BLTP1: variants seen among roughly 807,000 people sequenced by gnomAD.
The protein encoded by BLTP1 is fragile site-associated protein.
At chr4:122,361,111 A>G in the BLTP1 span, among the ~76,000 whole-genome samples, 2 of 152,326 alleles carry the variant, frequency 1.3e-5, no homozygotes, top group African/African-American at 4.8e-5. Context: ...TAAATGAATT[A>G]ACGCAAAATG....
the BLTP1 span, among the ~76,000 whole-genome samples, chr4:122,310,414 G>T: frequency 6.6e-6 from 1 of 152,012 alleles, no homozygotes; most frequent in South Asian, 2.1e-4. Flanking sequence ...TTAATATGAG[G>T]TTTTTTTGTG....
the BLTP1 span, chr4:122,161,018 C>A: frequency 3.7e-6 from 1 of 268,164 alleles, no homozygotes; most frequent in Non-Finnish European, 5.7e-6. Flanking sequence ...GTACATAATT[C>A]ACAGAATTTC....
the BLTP1 span, chr4:122,315,631 CA>C: frequency 6.2e-7 from 1 of 1,614,036 alleles, no homozygotes; most frequent in Non-Finnish European, 8.5e-7. Flanking sequence ...ATTCAGTGAA[CA>C]TAGCTGACCT....
chr4:122,238,875 C>G, the BLTP1 span, among the ~76,000 whole-genome samples: 1 of 152,116 alleles, frequency 6.6e-6, no homozygotes, highest in Non-Finnish European at 1.5e-5. Flanking sequence ...TCCACTTACT[C>G]TATATTATTT....
chr4:122,319,598 G>A, the BLTP1 span, among the ~76,000 whole-genome samples: 2 of 148,082 alleles, frequency 1.4e-5, no homozygotes, highest in Non-Finnish European at 1.5e-5. Context: ...TTGGAGTGAA[G>A]TGGTGTGATC....
chr4:122,204,889 ATATT>A, the BLTP1 span: 1 of 738,552 alleles, frequency 1.4e-6, no homozygotes, highest in Non-Finnish European at 1.7e-6. Context: ...AAATAAAAAT[ATATT>A]TAAGGTAAAT....
chr4:122,354,522 G>A, the BLTP1 span, among the ~76,000 whole-genome samples: 2 of 150,610 alleles, frequency 1.3e-5, no homozygotes, highest in South Asian at 2.1e-4. Context: ...GTGATAGTGT[G>A]GTCATGATAA....
chr4:122,184,266 C>T, the BLTP1 span, among the ~76,000 whole-genome samples: 1 of 152,150 alleles, frequency 6.6e-6, no homozygotes, highest in Non-Finnish European at 1.5e-5. Context: ...TTAGCCATCT[C>T]TGCAGTGTAA....
At chr4:122,289,868 G>T in the BLTP1 span, 3 of 835,492 alleles carry the variant, frequency 3.6e-6, no homozygotes, top group Non-Finnish European at 4.3e-6. Context: ...ATTTTGATGA[G>T]TTCTGCGAAT....
the BLTP1 span, chr4:122,257,232 TAACC>T: frequency 6.2e-7 from 1 of 1,610,156 alleles, no homozygotes; most frequent in Admixed American, 1.7e-5. Flanking sequence ...AGATTACTTC[TAACC>T]ACATGATTAT....
the BLTP1 span, chr4:122,266,847 A>G: frequency 2.5e-6 from 4 of 1,610,778 alleles, no homozygotes; most frequent in Non-Finnish European, 3.4e-6. Flanking sequence ...CCATTCTGCT[A>G]CCGAATGTAC....
the BLTP1 span, among the ~76,000 whole-genome samples, chr4:122,283,993 G>A: frequency 4.6e-5 from 7 of 152,254 alleles, no homozygotes; most frequent in East Asian, 5.8e-4. Context: ...TTTGTATAAA[G>A]TTTAAAATTT....
At chr4:122,207,514 C>CTTTTTT in the BLTP1 span, 289 of 1,286,782 alleles carry the variant, frequency 2.2e-4, no homozygotes, top group South Asian at 8.8e-4. Flanking sequence ...ACTTTTTCTT[C>CTTTTTT]TTTTTTTTTT....
chr4:122,346,029 C>T, the BLTP1 span: 8 of 984,288 alleles, frequency 8.1e-6, no homozygotes, highest in Admixed American at 6.2e-5. Flanking sequence ...ACTGACTTAG[C>T]GGGTATCGCT....
At chr4:122,299,960 A>T in the BLTP1 span, 1 of 978,830 alleles carries the variant, frequency 1.0e-6, no homozygotes, top group Non-Finnish European at 1.2e-6. Context: ...ACAAAGACAC[A>T]TATAATCTAC....
chr4:122,161,230 A>C, the BLTP1 span: 69 of 511,284 alleles, frequency 1.3e-4, no homozygotes, highest in South Asian at 1.7e-4. Context: ...TTGTGATTTC[A>C]TTGTTGCATG....
the BLTP1 span, chr4:122,186,148 A>G: frequency 1.9e-6 from 3 of 1,612,792 alleles, no homozygotes; most frequent in Non-Finnish European, 2.5e-6. Context: ...TGGAGCCAAC[A>G]ATAATTCCAC....
chr4:122,214,592 TA>T, the BLTP1 span: 14 of 702,678 alleles, frequency 2.0e-5, no homozygotes, highest in African/African-American at 2.1e-4. Flanking sequence ...TTTTGGTAAC[TA>T]TTTTTTTTTT....
chr4:122,351,262 A>G, the BLTP1 span: 1 of 914,588 alleles, frequency 1.1e-6, no homozygotes, highest in Non-Finnish European at 1.3e-6. Context: ...ACTAGAAAAC[A>G]CAAGAGAAGC....
Sources: gnomAD v4.1 joint callset for allele counts (sites outside exome capture counted in the v4.1 genomes callset) on GRCh38, gnomAD v4.1.1 for gene constraint, MANE v1.5 for transcripts, NCBI Gene and HGNC (gene_info 2026-07-23, HGNC 2026-07-21) for gene names.